The following VPS13B variants were observed in gnomAD, a reference collection of about 807,000 sequenced individuals.
VPS13B encodes the protein intermembrane lipid transfer protein VPS13B.
In VPS13B, 285 loss-of-function variants were observed where a neutral mutation model predicts 426.4. The ratio of observed to expected loss-of-function variants is 0.67; its 90% CI spans 0.61 to 0.74. VPS13B has a LOEUF of 0.74. VPS13B is among the 30% of genes least tolerant of loss of function. The pLI is 0.00. For missense variants in VPS13B, 4,537 were observed against 4,782.6 expected (o/e 0.95, Z 1.51); for synonymous variants, 1,676 against 1,676.4 (o/e 1.00, Z 0.01).
intron 8 of VPS13B, among the ~76,000 whole-genome samples, chr8:99,129,326 G>T (rs926388441): frequency 1.3e-5 from 2 of 151,456 alleles, no homozygotes; most frequent in African/African-American, 4.8e-5. Context: ...AATATTGTTG[G>T]ATATGTTGTC....
intron 33 of VPS13B, among the ~76,000 whole-genome samples, chr8:99,621,183 A>T (rs1160166881): frequency 6.6e-6 from 1 of 152,142 alleles, no homozygotes; most frequent in Non-Finnish European, 1.5e-5. Flanking sequence ...TGACTTACTA[A>T]GATTTAACAG....
At chr8:99,095,857 G>A (rs1359426154) in intron 3 of VPS13B, among the ~76,000 whole-genome samples, 3 of 152,034 alleles carry the variant, frequency 2.0e-5, no homozygotes, top group Non-Finnish European at 2.9e-5. Context: ...GGATTATAAG[G>A]ATTATTAAGA....
chr8:99,831,983 A>G (rs1342020626), intron 51 of VPS13B, among the ~76,000 whole-genome samples: 2 of 152,152 alleles, frequency 1.3e-5, no homozygotes, highest in African/African-American at 4.8e-5. Flanking sequence ...TTACGGGGCC[A>G]GGCGTGGTGA....
intron 25 of VPS13B, among the ~76,000 whole-genome samples, chr8:99,484,197 T>G (rs1820184235): frequency 6.6e-6 from 1 of 152,120 alleles, no homozygotes; most frequent in African/African-American, 2.4e-5. Context: ...CTAAATTGCT[T>G]AAAAAGAATT....
chr8:99,725,862 C>T (rs1244388072), intron 39 of VPS13B, among the ~76,000 whole-genome samples: 1 of 152,170 alleles, frequency 6.6e-6, no homozygotes, highest in Non-Finnish European at 1.5e-5. Flanking sequence ...GTCTGCCAAG[C>T]TTACCTGCTC....
At chr8:99,440,802 G>GTAGCA (rs974685316) in intron 22 of VPS13B, among the ~76,000 whole-genome samples, 5 of 151,836 alleles carry the variant, frequency 3.3e-5, no homozygotes, top group Admixed American at 6.6e-5. Context: ...GTTGTGTATG[G>GTAGCA]TAGCATACTA....
chr8:99,643,894 G>A (rs948450711), intron 34 of VPS13B, among the ~76,000 whole-genome samples: 1 of 152,188 alleles, frequency 6.6e-6, no homozygotes, highest in East Asian at 1.9e-4. Flanking sequence ...CTGGTATAGT[G>A]GAACATGTTA....
At chr8:99,512,692 A>C (rs925967502) in intron 29 of VPS13B, among the ~76,000 whole-genome samples, 1 of 152,132 alleles carries the variant, frequency 6.6e-6, no homozygotes, top group African/African-American at 2.4e-5. Flanking sequence ...TGGGAGAAGA[A>C]TTTGGGGTAG....
rs1818555693 is a variant in VPS13B at position 99,457,615 on chromosome 8, C to CT, written c.3446-9792dup. Reference sequence around the variant, plus strand: ...TTTCAGCTCCAATCTTTACTATTTTCTTTTTTTAATAGCTTTGTGTTTAGT... The same window carrying CT: ...TTTCAGCTCCAATCTTTACTATTTTCTTTTTTTTAATAGCTTTGTGTTTAGT... On this transcript the variant is annotated intron_variant, in intron 23 of 61. Transcript: ENST00000357162. Among the ~76,000 whole-genome samples, 4 of 151,120 alleles carry CT rather than the reference C, an allele frequency of 2.6e-5. No homozygotes were observed. The East Asian group carries it at 5.8e-4, about 22-fold the overall frequency.
intron 30 of VPS13B, among the ~76,000 whole-genome samples, chr8:99,553,373 G>A (rs1371851633): frequency 6.6e-6 from 1 of 152,092 alleles, no homozygotes; most frequent in African/African-American, 2.4e-5. Context: ...TACTAGAAAT[G>A]TTAAGGAACA....
chr8:99,161,894 A>C (rs1001309258), intron 15 of VPS13B, among the ~76,000 whole-genome samples: 1 of 151,970 alleles, frequency 6.6e-6, no homozygotes. Flanking sequence ...CACCACACCC[A>C]GCTAATTTTT....
intron 19 of VPS13B, among the ~76,000 whole-genome samples, chr8:99,292,907 G>A (rs1260038361): frequency 6.6e-6 from 1 of 152,052 alleles, no homozygotes; most frequent in Non-Finnish European, 1.5e-5. Context: ...TTCTTATTTA[G>A]CTTCTTTTCA....
intron 3 of VPS13B, among the ~76,000 whole-genome samples, chr8:99,065,601 G>GGGAT (rs1397318635): frequency 1.3e-5 from 2 of 152,166 alleles, no homozygotes; most frequent in African/African-American, 4.8e-5. Flanking sequence ...GCACAACACA[G>GGGAT]GGATGCCCTC....
rs547654316 is a variant in VPS13B, at chr8:99,451,723, C to T, written c.3445+9088C>T. On this transcript the variant is annotated intron_variant, in intron 23 of 61. Coordinates refer to ENST00000357162, the MANE Select transcript of VPS13B (RefSeq NM_152564.5). The stretch of plus-strand genomic sequence containing the variant: ...GGAACCCTGTATGGAACTCTATCTC[C>T]GTAATAGGCTTATAACTCTTCACTT... Among the ~76,000 whole-genome samples, 7 of 152,230 alleles carry T rather than the reference C, an allele frequency of 4.6e-5. No individual in the cohort carries two copies. The South Asian group carries it at 8.3e-4, about 18-fold the overall frequency.
chr8:99,247,179 T>A (rs75439906), intron 17 of VPS13B, among the ~76,000 whole-genome samples: 4 of 141,960 alleles, frequency 2.8e-5, no homozygotes, highest in Non-Finnish European at 6.5e-5. Context: ...GCATGTTCAA[T>A]TTTTTTTTTA....
chr8:99,636,164 G>A (rs569619448), intron 33 of VPS13B, among the ~76,000 whole-genome samples: 2 of 151,924 alleles, frequency 1.3e-5, no homozygotes, highest in South Asian at 4.1e-4. Flanking sequence ...ACTGATTTAA[G>A]TACCATCTGG....
chr8:99,279,854 C>T (rs933862142), intron 19 of VPS13B, among the ~76,000 whole-genome samples: 2 of 152,174 alleles, frequency 1.3e-5, no homozygotes, highest in Non-Finnish European at 2.9e-5. Flanking sequence ...ACTGCAACCT[C>T]CGCCTCCCAG....
intron 2 of VPS13B, among the ~76,000 whole-genome samples, chr8:99,021,424 C>A (rs935502438): frequency 1.3e-5 from 2 of 152,072 alleles, no homozygotes; most frequent in Non-Finnish European, 2.9e-5. Context: ...AGTTCGAGAC[C>A]AGCCTGACCA....
At chr8:99,164,611 G>A (rs1288585756) in intron 15 of VPS13B, among the ~76,000 whole-genome samples, 1 of 152,156 alleles carries the variant, frequency 6.6e-6, no homozygotes, top group African/African-American at 2.4e-5. Context: ...AGTAGAATAT[G>A]CCTTGGCTGG....
Sources: allele counts gnomAD v4.1 joint callset (sites outside exome capture counted in the v4.1 genomes callset), GRCh38; gene constraint gnomAD v4.1.1; transcripts MANE v1.5; gene names NCBI Gene and HGNC (gene_info 2026-07-23, HGNC 2026-07-21).